The following FAM240A variants were observed in gnomAD, a reference collection of about 807,000 sequenced individuals.
The protein encoded by FAM240A is protein FAM240A.
In FAM240A, 8 loss-of-function variants were observed where a neutral mutation model predicts 7.3. The observed-to-expected ratio is 1.09, with a 90% confidence interval of 0.64 to 1.97. The LOEUF (loss-of-function observed/expected upper bound fraction) is 1.97. Ranked by LOEUF, FAM240A falls within the 30% of genes most tolerant of loss-of-function variation. The pLI is 0.00. For missense variants in FAM240A, 90 were observed against 102.2 expected (o/e 0.88, Z 0.52); for synonymous variants, 32 against 35.9 (o/e 0.89, Z 0.38).
At chr3:46,617,840 G>A (rs1334465572) in intron 2 of FAM240A, among the ~76,000 whole-genome samples, 1 of 152,188 alleles carries the variant, frequency 6.6e-6, no homozygotes. Context: ...TCCTGGAGGG[G>A]AAGGCGGGGT....
rs1697575274 is a variant in FAM240A at position 46,612,575 on chromosome 3, CTTG to C, written c.-105_-103del. 1 of 827,066 alleles carries C rather than the reference CTTG, an allele frequency of 1.2e-6. No individual in the cohort carries two copies. Among genetic ancestry groups the C allele is most frequent in the Non-Finnish European group, 2.0e-6 (1 of 501,776 alleles). The allele number at this position is 827,066 out of a possible 1,614,324, so 51.2% of individuals were successfully genotyped here. A position where few individuals can be genotyped will look rare whatever the true frequency, so the allele number is the denominator to read the frequency against. ...TGCGAGGGACAAATGTTCCTTTGTT[CTTG>C]TTGATTTGCTGAACGTGAATTGGCT... On this transcript the variant is annotated 5_prime_UTR_variant, in exon 1 of 3. An upstream open reading frame in the 5' UTR gains an earlier in-frame stop. Coordinates refer to ENST00000640551, the MANE Select transcript of FAM240A (RefSeq NM_001195442.2).
chr3:46,612,790 A>G (rs1251841040), intron 1 of FAM240A, 92 bp downstream of exon 1: 1 of 966,074 alleles, frequency 1.0e-6, no homozygotes, highest in East Asian at 2.6e-5. Flanking sequence ...GATTCACTGG[A>G]CGCAGCAGCA....
intron 2 of FAM240A, among the ~76,000 whole-genome samples, chr3:46,622,376 G>A (rs1338882975): frequency 1.3e-5 from 2 of 151,926 alleles, no homozygotes; most frequent in Non-Finnish European, 2.9e-5. Flanking sequence ...AAAGTGCTGG[G>A]ATTACAGGTG....
intron 1 of FAM240A, among the ~76,000 whole-genome samples, chr3:46,616,330 T>C (rs1462915103): frequency 6.6e-6 from 1 of 152,070 alleles, no homozygotes; most frequent in African/African-American, 2.4e-5. Context: ...TTTATGGGGG[T>C]TCAGCTTCTA....
intron 2 of FAM240A, among the ~76,000 whole-genome samples, chr3:46,619,608 CT>C (rs1295860178): frequency 2.0e-5 from 3 of 152,204 alleles, no homozygotes; most frequent in Non-Finnish European, 4.4e-5. Flanking sequence ...CTGCAGTCTT[CT>C]GGGGGTCCCA....
At chr3:46,615,846 G>GCACACACA (rs201281577) in intron 1 of FAM240A, among the ~76,000 whole-genome samples, 52 of 148,736 alleles carry the variant, frequency 3.5e-4, no homozygotes, top group Admixed American at 1.6e-3. Context: ...CCACATGTGT[G>GCACACACA]CACGCACACA....
chr3:46,622,106 CTTTTTTTTTTTT>C (rs1171256555), intron 2 of FAM240A, among the ~76,000 whole-genome samples: 1 of 79,676 alleles, frequency 1.3e-5, no homozygotes, highest in African/African-American at 4.6e-5. Flanking sequence ...AGAAAATTTT[CTTTTTTTTTTTT>C]TTTTTTTTTT....
chr3:46,617,160 T>A (rs1697638841), intron 1 of FAM240A, 23 bp from the exon 2 acceptor site: 2 of 1,487,116 alleles, frequency 1.3e-6, no homozygotes. Flanking sequence ...TTTGGTTATT[T>A]GTATGGCTAT....
intron 2 of FAM240A, among the ~76,000 whole-genome samples, chr3:46,617,824 C>T (rs1016727981): frequency 4.6e-5 from 7 of 152,154 alleles, no homozygotes; most frequent in Non-Finnish European, 1.0e-4. Context: ...AGATGGCCTG[C>T]GTGGTTCCTG....
chr3:46,621,260 T>A (rs1258312433), intron 2 of FAM240A, among the ~76,000 whole-genome samples: 2 of 152,206 alleles, frequency 1.3e-5, no homozygotes, highest in African/African-American at 2.4e-5. Flanking sequence ...AGGTGAACCT[T>A]TTTATTATTT....
intron 1 of FAM240A, among the ~76,000 whole-genome samples, chr3:46,615,171 C>T (rs1217272427): frequency 1.3e-5 from 2 of 152,116 alleles, no homozygotes; most frequent in African/African-American, 4.8e-5. Flanking sequence ...TCTACCCTGC[C>T]CCACTGTCCC....
In FAM240A at chr3:46,625,193, C is replaced by A; in HGVS notation, c.227C>A (p.Thr76Asn). Residue 76 changes from threonine to asparagine, a missense_variant, in exon 3 of 3, where the codon ACT becomes AAT. By Grantham distance (65) the Thr-to-Asn change is moderately conservative (BLOSUM62 0). Coordinates refer to ENST00000640551, the MANE Select transcript of FAM240A (RefSeq NM_001195442.2). ...AGGCTGCGGAACAATCCAGAGGACA[C>A]TGAAAAGAGGACAAATGTTGGCTGA... ...KLRLRNNPED[T>N]EKRTNVG is the part of the protein sequence containing the mutation. 1 of 1,533,236 alleles carries A rather than the reference C, an allele frequency of 6.5e-7. No individual in the cohort carries two copies. The highest frequency in any genetic ancestry group is 8.7e-7 in the Non-Finnish European group (1 of 1,145,268). The allele number at this position is 1,533,236 out of a possible 1,614,324, so 95.0% of individuals were successfully genotyped here. A position where few individuals can be genotyped will look rare whatever the true frequency, so the allele number is the denominator to read the frequency against.
intron 1 of FAM240A, among the ~76,000 whole-genome samples, chr3:46,615,826 A>G (rs948876385): frequency 6.6e-6 from 1 of 151,834 alleles, no homozygotes; most frequent in Admixed American, 6.6e-5. Context: ...ATAATTCCAC[A>G]CACAAGAGCC....
intron 1 of FAM240A, among the ~76,000 whole-genome samples, chr3:46,613,151 G>A (rs1376348762): frequency 1.3e-5 from 2 of 152,282 alleles, no homozygotes; most frequent in East Asian, 3.9e-4. Context: ...ATAAAATGTA[G>A]AGTTTGGTAA....
In FAM240A at chr3:46,624,264, A is replaced by AT. The variant is rs59290700; in HGVS notation, c.162-839dup. Reference sequence around the variant, plus strand: ...ATAGTTTTACTTTCAACGGTGGGCTATTTTTTTTTTTTTTTTTTTTTTTTT... The same window carrying AT: ...ATAGTTTTACTTTCAACGGTGGGCTATTTTTTTTTTTTTTTTTTTTTTTTTT... On this transcript the variant is annotated intron_variant, in intron 2 of 2. Coordinates refer to ENST00000640551, the MANE Select transcript of FAM240A (RefSeq NM_001195442.2). 8.0e-3 allele frequency among the ~76,000 whole-genome samples: 776 copies of AT among 96,464 alleles called. 31 individuals are homozygous for AT. The highest frequency in any genetic ancestry group is 0.036 in the East Asian group (113 of 3,148). The allele number at this position is 96,464 out of a possible 152,430, so 63.3% of individuals were successfully genotyped here. A position where few individuals can be genotyped will look rare whatever the true frequency, so the allele number is the denominator to read the frequency against.
At chr3:46,621,222 T>A (rs1319725729) in intron 2 of FAM240A, among the ~76,000 whole-genome samples, 1 of 152,208 alleles carries the variant, frequency 6.6e-6, no homozygotes, top group Non-Finnish European at 1.5e-5. Context: ...GGTGCATGCA[T>A]ATTTAGAAGT....
chr3:46,617,981 G>A lies in FAM240A; in HGVS notation c.161+653G>A, dbSNP rs1337072051. Among the ~76,000 whole-genome samples, 3 of 152,182 alleles carry A rather than the reference G, an allele frequency of 2.0e-5. No individual in the cohort carries two copies. In the East Asian group the frequency reaches 5.8e-4, roughly 29 times the overall value. On this transcript the variant is annotated intron_variant, in intron 2 of 2. Coordinates refer to ENST00000640551, the MANE Select transcript of FAM240A (RefSeq NM_001195442.2). ...GGCTCACTGCCCTCACACACACACTGCAGAAAGCCATCATGGGCTGCAGGG... is the reference window on the plus strand; with the variant it reads ...GGCTCACTGCCCTCACACACACACTACAGAAAGCCATCATGGGCTGCAGGG...
chr3:46,616,125 G>A (rs550306175), intron 1 of FAM240A, among the ~76,000 whole-genome samples: 1 of 152,230 alleles, frequency 6.6e-6, no homozygotes, highest in Non-Finnish European at 1.5e-5. Flanking sequence ...GGAAGGAAGG[G>A]CAGAGGCGTT....
rs80245571 is a variant in FAM240A, at chr3:46,621,181, T to C, written c.161+3853T>C. ...ACAATCCAAGTAGTTCCATTAATTTTTTCTGTATGTACTTTGAGGCTACTT... is the reference window on the plus strand; with the variant it reads ...ACAATCCAAGTAGTTCCATTAATTTCTTCTGTATGTACTTTGAGGCTACTT... On this transcript the variant is annotated intron_variant, in intron 2 of 2. Coordinates refer to ENST00000640551, the MANE Select transcript of FAM240A (RefSeq NM_001195442.2). Among the ~76,000 whole-genome samples the C allele has an allele frequency of 3.5e-3, 530 of 152,344 alleles. 2 individuals are homozygous for C. The highest frequency in any genetic ancestry group is 0.013 in the African/African-American group (520 of 41,580).
Sources: gnomAD v4.1 joint callset for allele counts (sites outside exome capture counted in the v4.1 genomes callset) on GRCh38, gnomAD v4.1.1 for gene constraint, MANE v1.5 for transcripts, NCBI Gene and HGNC (gene_info 2026-07-23, HGNC 2026-07-21) for gene names.